Variants in SH3GL3 observed in about 807,000 individuals in gnomAD.
SH3GL3 encodes SH3 domain containing GRB2 like 3, endophilin A3.
A neutral mutation model predicts 47.7 loss-of-function variants in SH3GL3; 33 were observed. That is an observed-to-expected ratio of 0.69 (90% CI 0.52 to 0.92). The LOEUF is 0.92. Among genes scored for constraint, SH3GL3 ranks in the 40% least tolerant of loss-of-function variants. The pLI is 0.00. For missense variants in SH3GL3, 363 were observed against 417.8 expected (o/e 0.87, Z 1.14); for synonymous variants, 155 against 148.8 (o/e 1.04, Z -0.30).
intron 1 of SH3GL3, among the ~76,000 whole-genome samples, chr15:83,529,848 C>A (rs2043591242): frequency 6.6e-6 from 1 of 152,148 alleles, no homozygotes. Context: ...GGGAGCCTGT[C>A]CTCAGAGTGC....
Position 83,617,353 on chromosome 15 carries a change from A to G in SH3GL3, c.839-729A>G, listed in dbSNP as rs1038871014. On this transcript the variant is annotated intron_variant, in intron 8 of 8. Transcript: ENST00000427482. ...ACCCTCTCCCCAGAGCTCCTGAACC[A>G]TGAGTGATACACACTTCATATTTGT... 1.3e-5 allele frequency among the ~76,000 whole-genome samples: 2 copies of G among 152,152 alleles called. 1 individual carries two copies. The highest frequency in any genetic ancestry group is 2.9e-5 in the Non-Finnish European group (2 of 68,036).
chr15:83,594,061 C>T (rs1000559743), intron 8 of SH3GL3, among the ~76,000 whole-genome samples: 6 of 152,180 alleles, frequency 3.9e-5, no homozygotes, highest in Admixed American at 2.0e-4. Flanking sequence ...TCAAGCTATT[C>T]GCCTGCTTCG....
At chr15:83,468,800 G>GTTTTTTTTTTT (rs34233165) in intron 1 of SH3GL3, among the ~76,000 whole-genome samples, 1 of 128,996 alleles carries the variant, frequency 7.8e-6, no homozygotes, top group African/African-American at 2.9e-5. Context: ...CTTTAGTAGT[G>GTTTTTTTTTTT]TTTTTTTTTT....
At chr15:83,493,144 AG>A (rs1431064450) in intron 1 of SH3GL3, among the ~76,000 whole-genome samples, 1 of 152,150 alleles carries the variant, frequency 6.6e-6, no homozygotes, top group East Asian at 1.9e-4. Flanking sequence ...TTTAAAAAAG[AG>A]TGCTTATCTG....
Position 83,566,393 on chromosome 15 carries a change from T to A in SH3GL3, c.187+1187T>A, listed in dbSNP as rs577025962. On this transcript the variant is annotated intron_variant, in intron 3 of 8. Coordinates refer to ENST00000427482, the MANE Select transcript of SH3GL3 (RefSeq NM_003027.5). ...GTGTGTGTGTGTGTGTGTGTGTGTG[T>A]GTGTGTGTGTGTGTAGTGTGTGAGA... Among the ~76,000 whole-genome samples the A allele has an allele frequency of 1.1e-4, 17 of 151,214 alleles. No individual in the cohort carries two copies. In the South Asian group the frequency reaches 3.3e-3, roughly 30 times the overall value.
At chr15:83,602,502 T>G (rs1480934669) in intron 8 of SH3GL3, among the ~76,000 whole-genome samples, 1 of 152,128 alleles carries the variant, frequency 6.6e-6, no homozygotes, top group East Asian at 1.9e-4. Context: ...CAGGTCCCTT[T>G]TATAAGGGCA....
chr15:83,473,760 G>A (rs1475766637), intron 1 of SH3GL3, among the ~76,000 whole-genome samples: 2 of 151,580 alleles, frequency 1.3e-5, no homozygotes, highest in African/African-American at 4.8e-5. Flanking sequence ...TGTTAGCCAG[G>A]ATGGTCTCGA....
In SH3GL3 at chr15:83,588,653, G is replaced by C; in HGVS notation, c.729-9G>C. 1 of 1,529,260 alleles carries C rather than the reference G, an allele frequency of 6.5e-7. No homozygotes were observed. 94.7% of individuals were successfully genotyped at this position (1,529,260 alleles called of 1,614,324 possible). On this transcript the variant is annotated splice_polypyrimidine_tract_variant and intron_variant, in intron 7 of 8. Transcript: ENST00000427482. Reference sequence around the variant, plus strand: ...AGATGTCTGGCTCATCTTACGATGTGTGTTACAGAATATCAGCTGCATCCA... The same window carrying C: ...AGATGTCTGGCTCATCTTACGATGTCTGTTACAGAATATCAGCTGCATCCA...
At chr15:83,534,775 C>G (rs1363595894) in intron 1 of SH3GL3, among the ~76,000 whole-genome samples, 1 of 152,012 alleles carries the variant, frequency 6.6e-6, no homozygotes, top group African/African-American at 2.4e-5. Flanking sequence ...ATAGAATGAC[C>G]CTCAAATACC....
chr15:83,588,512 C>T (rs145699980), intron 7 of SH3GL3, 150 bp from the exon 8 acceptor site: 57 of 603,354 alleles, frequency 9.4e-5, no homozygotes, highest in Middle Eastern at 3.3e-4. Flanking sequence ...TCCATCACTT[C>T]GGGCTACTCA....
At chr15:83,471,497 A>T (rs1323250319) in intron 1 of SH3GL3, among the ~76,000 whole-genome samples, 1 of 152,240 alleles carries the variant, frequency 6.6e-6, no homozygotes, top group African/African-American at 2.4e-5. Context: ...CTAGCTGATC[A>T]GACTATGCCC....
At chr15:83,621,372 G>A (rs916214690), downstream of SH3GL3, among the ~76,000 whole-genome samples, 7 of 152,032 alleles carry the variant, frequency 4.6e-5, no homozygotes, top group African/African-American at 1.5e-4. Flanking sequence ...GCCATTGTAG[G>A]GTTACTAATT....
At chr15:83,540,385 A>T (rs1051688129) in intron 1 of SH3GL3, among the ~76,000 whole-genome samples, 1 of 152,192 alleles carries the variant, frequency 6.6e-6, no homozygotes, top group African/African-American at 2.4e-5. Flanking sequence ...TAAAATATTT[A>T]AAAATATTTG....
intron 8 of SH3GL3, among the ~76,000 whole-genome samples, chr15:83,593,693 T>C (rs2060163573): frequency 6.6e-6 from 1 of 152,246 alleles, no homozygotes; most frequent in Non-Finnish European, 1.5e-5. Context: ...TTGCCTTTTT[T>C]CACTTGCTAG....
At chr15:83,543,471 T>C (rs923563472) in intron 1 of SH3GL3, among the ~76,000 whole-genome samples, 4 of 152,088 alleles carry the variant, frequency 2.6e-5, no homozygotes, top group Non-Finnish European at 4.4e-5. Context: ...TGTTTTTTGA[T>C]GTATCTTTGA....
chr15:83,577,772 G>T (rs114656801), intron 6 of SH3GL3, among the ~76,000 whole-genome samples: 36 of 152,298 alleles, frequency 2.4e-4, no homozygotes, highest in African/African-American at 8.4e-4. Flanking sequence ...TTGCTAAGTA[G>T]ACTGGCTTTT....
intron 8 of SH3GL3, among the ~76,000 whole-genome samples, chr15:83,597,818 C>T (rs1005643600): frequency 2.0e-5 from 3 of 152,106 alleles, no homozygotes; most frequent in African/African-American, 7.2e-5. Flanking sequence ...CCATGTTGGC[C>T]AGGCTGGTTG....
intron 1 of SH3GL3, among the ~76,000 whole-genome samples, chr15:83,557,935 G>T (rs557721560): frequency 1.3e-5 from 2 of 152,280 alleles, no homozygotes; most frequent in African/African-American, 4.8e-5. Context: ...TTGTCTTCAA[G>T]AAATTCCTTC....
chr15:83,540,185 G>A (rs1310842778), intron 1 of SH3GL3, among the ~76,000 whole-genome samples: 1 of 151,962 alleles, frequency 6.6e-6, no homozygotes, highest in Non-Finnish European at 1.5e-5. Context: ...CATGATTTTG[G>A]TCTTTGAAAT....
Sources: allele counts gnomAD v4.1 joint callset (sites outside exome capture counted in the v4.1 genomes callset), GRCh38; gene constraint gnomAD v4.1.1; transcripts MANE v1.5; gene names NCBI Gene and HGNC (gene_info 2026-07-23, HGNC 2026-07-21).